SFXN2: variants seen among roughly 807,000 people sequenced by gnomAD.
SFXN2 encodes sideroflexin 2, also known as sideroflexin-2.
A neutral mutation model predicts 41.9 loss-of-function variants in SFXN2; 37 were observed. That is an observed-to-expected ratio of 0.88 (90% CI 0.68 to 1.16). The LOEUF is 1.16. SFXN2 is among the 50% of genes most tolerant of loss of function. The pLI is 0.00. For synonymous variants in SFXN2, 150 were observed against 156.7 expected, an observed-to-expected ratio of 0.96 and a Z score of 0.32; for missense variants, 386 against 425.2, an observed-to-expected ratio of 0.91 and a Z score of 0.81.
intron 10 of SFXN2, among the ~76,000 whole-genome samples, 173 bp from the exon 11 acceptor site, chr10:102,735,688 CA>C (rs1437342699): frequency 6.6e-6 from 1 of 152,138 alleles, no homozygotes; most frequent in Non-Finnish European, 1.5e-5. Context: ...ATCCCCCTGC[CA>C]GAATGAGTAT....
At chr10:102,721,976 G>A (rs555983055) in intron 1 of SFXN2, among the ~76,000 whole-genome samples, 1 of 152,266 alleles carries the variant, frequency 6.6e-6, no homozygotes, top group African/African-American at 2.4e-5. Context: ...CTGAGTGCAC[G>A]TGGGTTCATT....
chr10:102,738,282 C>G lies in SFXN2; in HGVS notation c.*520C>G, dbSNP rs1030749501. 1.2e-4 allele frequency: 18 copies of G among 152,094 alleles called. No homozygotes were observed. Among genetic ancestry groups the G allele is most frequent in the African/African-American group, 3.9e-4 (16 of 41,120 alleles). 9.4% of individuals were successfully genotyped at this position (152,094 alleles called of 1,614,324 possible). ...CTTCCACATCCTCCTCCTCGTTGCC[C>G]CCTGGTCAGGCAGCTTCTTTTTTTT... On this transcript the variant is annotated 3_prime_UTR_variant, in exon 12 of 12. Transcript: ENST00000369893.
chr10:102,729,683 G>A, intron 5 of SFXN2, 40 bp from the exon 6 acceptor site: 1 of 1,595,630 alleles, frequency 6.3e-7, no homozygotes, highest in Middle Eastern at 1.7e-4. Flanking sequence ...CCATCTTCCA[G>A]CGCTTCTGAA....
chr10:102,736,814 G>GT (rs1235510919), intron 11 of SFXN2, among the ~76,000 whole-genome samples: 3 of 151,470 alleles, frequency 2.0e-5, no homozygotes, highest in African/African-American at 7.3e-5. Context: ...GCCTCCCAAA[G>GT]TATTGGGATT....
intron 9 of SFXN2, among the ~76,000 whole-genome samples, chr10:102,733,351 T>TG (rs1172881574): frequency 1.1e-4 from 16 of 152,130 alleles, no homozygotes; most frequent in Non-Finnish European, 2.2e-4. Context: ...GTTTTCACTG[T>TG]GTTAGCCAGG....
intron 1 of SFXN2, among the ~76,000 whole-genome samples, chr10:102,716,887 C>T (rs1226256591): frequency 1.3e-5 from 2 of 151,714 alleles, no homozygotes; most frequent in African/African-American, 4.8e-5. Flanking sequence ...GGCAAGTAGG[C>T]TATAGTGGAT....
At chr10:102,717,794 A>G (rs1477737782) in intron 1 of SFXN2, 1 of 985,450 alleles carries the variant, frequency 1.0e-6, no homozygotes, top group Non-Finnish European at 1.2e-6. Context: ...AGCAGTAAAT[A>G]TTCTTCGAGG....
At chr10:102,736,081 A>G (rs2064773348) in intron 11 of SFXN2, among the ~76,000 whole-genome samples, 172 bp downstream of exon 11, 1 of 152,122 alleles carries the variant, frequency 6.6e-6, no homozygotes, top group Admixed American at 6.5e-5. Context: ...GAATTCTGAC[A>G]AACGAAAACA....
At chr10:102,725,936 G>GTTTGT (rs537243929) in intron 1 of SFXN2, among the ~76,000 whole-genome samples, 1 of 151,912 alleles carries the variant, frequency 6.6e-6, no homozygotes, top group Non-Finnish European at 1.5e-5. Flanking sequence ...TTTTTTGTTT[G>GTTTGT]TTTGTTTTGT....
intron 1 of SFXN2, among the ~76,000 whole-genome samples, chr10:102,718,910 C>A (rs1392387268): frequency 7.0e-6 from 1 of 142,702 alleles, no homozygotes; most frequent in Non-Finnish European, 1.5e-5. Context: ...GCTTCCTTTT[C>A]TCGGCTTCTT....
chr10:102,735,054 TC>T (rs1226084237), intron 10 of SFXN2, among the ~76,000 whole-genome samples: 1 of 151,094 alleles, frequency 6.6e-6, no homozygotes, highest in African/African-American at 2.4e-5. Context: ...GACTCACTCC[TC>T]CCCCTCCATA....
At chr10:102,736,529 G>A (rs535438133) in intron 11 of SFXN2, among the ~76,000 whole-genome samples, 1 of 150,830 alleles carries the variant, frequency 6.6e-6, no homozygotes, top group African/African-American at 2.4e-5. Context: ...CGATTCTCCT[G>A]CCTCAGCCTC....
rs2064769893 is a variant in SFXN2, at chr10:102,735,877, G to A, written c.837G>A (p.Val279=). Residue 279 remains valine, a synonymous_variant, in exon 11 of 12, where the codon GTG becomes GTA. Transcript: ENST00000369893. ...MLSGCFLIFM[V]PVACGLFPQK... Reference sequence around the variant, plus strand: ...TTTCTTGCAGCCTCATCTTCATGGTGCCAGTGGCGTGTGGGCTTTTCCCAC... The same window carrying A: ...TTTCTTGCAGCCTCATCTTCATGGTACCAGTGGCGTGTGGGCTTTTCCCAC... The A allele has an allele frequency of 4.3e-6, 7 of 1,614,040 alleles. No homozygotes were observed. The South Asian group carries it at 7.7e-5, about 18-fold the overall frequency.
At position 102,741,079 on chromosome 10, in the gene SFXN2, CTTT is replaced by C. The variant is rs1218982064; in HGVS notation, c.*3318_*3320del. 6.6e-6 allele frequency: 1 copy of C among 152,222 alleles called. No individual in the cohort carries two copies. The highest frequency in any genetic ancestry group is 1.5e-5 in the Non-Finnish European group (1 of 68,064). 9.4% of individuals were successfully genotyped at this position (152,222 alleles called of 1,614,324 possible). ...AGTCTCATTTTGTAACATCTCTCTT[CTTT>C]GAGTTGGCTGCTGTGGGATGTTGAA... On this transcript the variant is annotated 3_prime_UTR_variant, in exon 12 of 12. Transcript: ENST00000369893.
At chr10:102,730,338 T>C (rs1464667260) in intron 6 of SFXN2, among the ~76,000 whole-genome samples, 1 of 152,232 alleles carries the variant, frequency 6.6e-6, no homozygotes, top group African/African-American at 2.4e-5. Context: ...ATCTCTGTTA[T>C]GAGGTTTTAA....
At chr10:102,735,047 TCA>T (rs2064754545) in intron 10 of SFXN2, among the ~76,000 whole-genome samples, 2 of 152,000 alleles carry the variant, frequency 1.3e-5, no homozygotes, top group African/African-American at 4.8e-5. Flanking sequence ...ATCCACAGAC[TCA>T]CTCCTCCCCC....
rs1270290111 is a variant in SFXN2, at chr10:102,741,992, T to C, written c.*4230T>C. ...AGGGAAGACTGACTTAACTCTTACCTGTTTCCCATTTTTCCAACACTTAAG... is the reference window on the plus strand; with the variant it reads ...AGGGAAGACTGACTTAACTCTTACCCGTTTCCCATTTTTCCAACACTTAAG... On this transcript the variant is annotated 3_prime_UTR_variant, in exon 12 of 12. Coordinates refer to ENST00000369893, the MANE Select transcript of SFXN2 (RefSeq NM_178858.6). The C allele has an allele frequency of 6.6e-6, 1 of 152,208 alleles. No homozygotes were observed. Among genetic ancestry groups the C allele is most frequent in the African/African-American group, 2.4e-5 (1 of 41,434 alleles). 9.4% of individuals were successfully genotyped at this position (152,208 alleles called of 1,614,324 possible).
chr10:102,715,355 C>G (rs1306597170), intron 1 of SFXN2: 1 of 152,460 alleles, frequency 6.6e-6, no homozygotes, highest in Non-Finnish European at 1.5e-5. Flanking sequence ...AGCCTCTGGC[C>G]GGTTTTGCTA....
At chr10:102,737,541 C>G (rs2064797795) in intron 11 of SFXN2, 122 bp from the exon 12 acceptor site, 1 of 670,170 alleles carries the variant, frequency 1.5e-6, no homozygotes, top group Non-Finnish European at 2.7e-6. Context: ...TTGTGGTATA[C>G]AGAGGCCAAT....
Sources: allele counts gnomAD v4.1 joint callset (sites outside exome capture counted in the v4.1 genomes callset), GRCh38; gene constraint gnomAD v4.1.1; transcripts MANE v1.5; gene names NCBI Gene and HGNC (gene_info 2026-07-23, HGNC 2026-07-21).